The following VGLL3 variants were observed in gnomAD, a reference collection of about 807,000 sequenced individuals.
The protein encoded by VGLL3 is transcription cofactor vestigial-like protein 3.
In VGLL3, 18 loss-of-function variants were observed where a neutral mutation model predicts 29.2. The ratio of observed to expected loss-of-function variants is 0.62; its 90% CI spans 0.43 to 0.91. The LOEUF (loss-of-function observed/expected upper bound fraction) is 0.91. VGLL3 is among the 40% of genes least tolerant of loss of function. The pLI, the probability that VGLL3 is intolerant of heterozygous loss-of-function variation, is 0.00. For synonymous variants in VGLL3, 180 were observed against 151.8 expected, an observed-to-expected ratio of 1.19 and a Z score of -1.36; for missense variants, 440 against 413.2, an observed-to-expected ratio of 1.06 and a Z score of -0.56.
At chr3:86,988,683 A>AGGAG (rs1705508656) in intron 1 of VGLL3, among the ~76,000 whole-genome samples, 1 of 135,312 alleles carries the variant, frequency 7.4e-6, no homozygotes, top group Non-Finnish European at 1.6e-5. Context: ...AAAAAAAAAA[A>AGGAG]AAGAAGAAGA....
intron 1 of VGLL3, among the ~76,000 whole-genome samples, chr3:86,982,424 G>A (rs936165028): frequency 2.6e-5 from 4 of 151,318 alleles, no homozygotes; most frequent in Non-Finnish European, 4.4e-5. Flanking sequence ...GGGATTACAG[G>A]CATGAGCCAC....
chr3:86,960,050 A>G (rs1212196586), intron 3 of VGLL3, among the ~76,000 whole-genome samples: 1 of 152,134 alleles, frequency 6.6e-6, no homozygotes, highest in East Asian at 1.9e-4. Flanking sequence ...TAACAAAACC[A>G]AGATATTTAT....
At chr3:86,948,121 G>A (rs1704543803) in intron 3 of VGLL3, among the ~76,000 whole-genome samples, 1 of 152,106 alleles carries the variant, frequency 6.6e-6, no homozygotes, top group Non-Finnish European at 1.5e-5. Flanking sequence ...TTTTGTACCT[G>A]AAGTATAATT....
intron 1 of VGLL3, among the ~76,000 whole-genome samples, chr3:86,988,640 CAAAAAAAAAAA>C (rs869098443): frequency 2.9e-4 from 4 of 13,760 alleles, no homozygotes; most frequent in African/African-American, 3.6e-4. Flanking sequence ...TTTACTTGAC[CAAAAAAAAAAA>C]AAAAAAAAAA....
In VGLL3 at chr3:86,942,356, A is replaced by G. The variant is rs1187382481; in HGVS notation, c.*4668T>C. 3 of 152,148 alleles carry G rather than the reference A, an allele frequency of 2.0e-5. No individual in the cohort carries two copies. Among genetic ancestry groups the G allele is most frequent in the African/African-American group, 7.2e-5 (3 of 41,442 alleles). 9.4% of individuals were successfully genotyped at this position (152,148 alleles called of 1,614,324 possible). On this transcript the variant is annotated 3_prime_UTR_variant, in exon 4 of 4. Transcript: ENST00000398399. ...AAGTGAACTCCTTCCGTCTTCAATA[A>G]CTGACACAGTGTCAACATCTGCTTC...
At chr3:86,961,886 G>T in intron 3 of VGLL3, 1 of 958,906 alleles carries the variant, frequency 1.0e-6, no homozygotes, top group Non-Finnish European at 1.2e-6. Context: ...AAAGCAGAGT[G>T]AAACAATCTC....
chr3:86,946,828 TAA>T lies in VGLL3; in HGVS notation c.*194_*195del. ...AGGCTCAGATGAGGAAATAAACAAATAAAAATGCTTTTCTTCAATGTCTGGGA... is the reference window on the plus strand; with the variant it reads ...AGGCTCAGATGAGGAAATAAACAAATAAATGCTTTTCTTCAATGTCTGGGA... On this transcript the variant is annotated 3_prime_UTR_variant, in exon 4 of 4. Transcript: ENST00000398399. The T allele has an allele frequency of 2.0e-6, 1 of 512,666 alleles. No individual in the cohort carries two copies. The highest frequency in any genetic ancestry group is 1.9e-5 in the African/African-American group (1 of 51,582). 31.8% of individuals were successfully genotyped at this position (512,666 alleles called of 1,614,324 possible). A position where few individuals can be genotyped will look rare whatever the true frequency, so the allele number is the denominator to read the frequency against.
rs4859107 is a variant in VGLL3, at chr3:86,966,000, T to C, written c.937+2590A>G. ...ACCCCTCTCTAACTCCTCCCAAAGA[T>C]AGAGAGATGTAATATTTGTCATTAT... On this transcript the variant is annotated intron_variant, in intron 3 of 3. Coordinates refer to ENST00000398399, the MANE Select transcript of VGLL3 (RefSeq NM_016206.4). 4.6e-5 allele frequency among the ~76,000 whole-genome samples: 7 copies of C among 152,090 alleles called. No homozygotes were observed. The East Asian group carries it at 1.4e-3, about 30-fold the overall frequency.
At chr3:86,977,500 A>G (rs1400809209) in intron 2 of VGLL3, among the ~76,000 whole-genome samples, 2 of 152,214 alleles carry the variant, frequency 1.3e-5, no homozygotes, top group Non-Finnish European at 2.9e-5. Flanking sequence ...ACACCTTCCT[A>G]TGAAGATTCT....
intron 2 of VGLL3, among the ~76,000 whole-genome samples, chr3:86,970,483 G>GCACACACACACACACACACACA (rs10694503): frequency 4.4e-4 from 62 of 141,198 alleles, no homozygotes; most frequent in Non-Finnish European, 7.0e-4. Context: ...TTACACACAC[G>GCACACACACACACACACACACA]CACACACACA....
intron 3 of VGLL3, among the ~76,000 whole-genome samples, chr3:86,965,420 A>C (rs1704937649): frequency 6.6e-6 from 1 of 152,142 alleles, no homozygotes; most frequent in African/African-American, 2.4e-5. Context: ...CACAGGTTAC[A>C]CAGAGGGACC....
chr3:86,971,098 G>T (rs1198277718), intron 2 of VGLL3, among the ~76,000 whole-genome samples: 1 of 152,076 alleles, frequency 6.6e-6, no homozygotes, highest in African/African-American at 2.4e-5. Flanking sequence ...TGAATGAAGG[G>T]TATGAATGGA....
At chr3:86,965,122 A>C (rs1475521280) in intron 3 of VGLL3, among the ~76,000 whole-genome samples, 1 of 151,326 alleles carries the variant, frequency 6.6e-6, no homozygotes, top group East Asian at 1.9e-4. Flanking sequence ...GCGCCACTGC[A>C]CTCCAGCCTG....
At chr3:86,958,945 A>G (rs1704781092) in intron 3 of VGLL3, among the ~76,000 whole-genome samples, 1 of 152,222 alleles carries the variant, frequency 6.6e-6, no homozygotes, top group Non-Finnish European at 1.5e-5. Context: ...TTTTGTAGAA[A>G]GTGTGAAGCA....
At chr3:86,958,298 T>A (rs2106984662) in intron 3 of VGLL3, among the ~76,000 whole-genome samples, 1 of 152,318 alleles carries the variant, frequency 6.6e-6, no homozygotes, top group East Asian at 1.9e-4. Context: ...ATTATTACTG[T>A]TACTACATTT....
intron 3 of VGLL3, among the ~76,000 whole-genome samples, chr3:86,948,509 T>C (rs1704549633): frequency 1.3e-5 from 2 of 152,038 alleles, no homozygotes; most frequent in African/African-American, 2.4e-5. Flanking sequence ...AAAGAACAAA[T>C]AGAAGGAGAT....
At chr3:86,978,893 A>G in intron 1 of VGLL3, 91 bp from the exon 2 acceptor site, 1 of 1,361,658 alleles carries the variant, frequency 7.3e-7, no homozygotes, top group South Asian at 1.5e-5. Context: ...AAAAGAATCT[A>G]AATATTAACA....
At chr3:86,957,711 T>C (rs1395135058) in intron 3 of VGLL3, among the ~76,000 whole-genome samples, 1 of 152,192 alleles carries the variant, frequency 6.6e-6, no homozygotes, top group African/African-American at 2.4e-5. Context: ...ATATTAAAGA[T>C]GCCTACATTG....
chr3:86,963,812 G>T (rs985697993), intron 3 of VGLL3, among the ~76,000 whole-genome samples: 2 of 152,178 alleles, frequency 1.3e-5, no homozygotes, highest in African/African-American at 4.8e-5. Context: ...TGCTTCTTTT[G>T]TAAGTGGCAG....
Sources: gnomAD v4.1 joint callset for allele counts (sites outside exome capture counted in the v4.1 genomes callset) on GRCh38, gnomAD v4.1.1 for gene constraint, MANE v1.5 for transcripts, NCBI Gene and HGNC (gene_info 2026-07-23, HGNC 2026-07-21) for gene names.